EML1: variants seen among roughly 807,000 people sequenced by gnomAD.
EML1 encodes echinoderm microtubule-associated protein-like 1.
A neutral mutation model predicts 110.4 loss-of-function variants in EML1; 27 were observed. The ratio of observed to expected loss-of-function variants is 0.24; its 90% CI spans 0.18 to 0.34. The LOEUF (loss-of-function observed/expected upper bound fraction) is 0.34. Among genes scored for constraint, EML1 ranks in the 10% least tolerant of loss-of-function variants. EML1 has a pLI of 1.00. For missense variants in EML1, 741 were observed against 1,030.9 expected (o/e 0.72, Z 3.85); for synonymous variants, 344 against 385.8 (o/e 0.89, Z 1.27).
chr14:99,873,205 G>A (rs1220986372), intron 3 of EML1, among the ~76,000 whole-genome samples: 2 of 152,190 alleles, frequency 1.3e-5, no homozygotes, highest in Non-Finnish European at 2.9e-5. Context: ...AATAGGCCAA[G>A]CTATGTGAAC....
intron 1 of EML1, among the ~76,000 whole-genome samples, chr14:99,849,517 GTGTGTGTGTGTGTA>G (rs1302629519): frequency 7.5e-6 from 1 of 134,184 alleles, no homozygotes; most frequent in Non-Finnish European, 1.7e-5. Context: ...GTGTGTGTGT[GTGTGTGTGTGTGTA>G]TATATATTTA....
chr14:99,737,990 C>A (rs749591448), intron 1 of EML1: 2 of 978,454 alleles, frequency 2.0e-6, no homozygotes, highest in Non-Finnish European at 2.7e-6. Context: ...CCTTGCCCGA[C>A]GCCTGGGGGG....
chr14:99,877,191 G>C (rs1446728407), intron 3 of EML1, among the ~76,000 whole-genome samples: 1 of 152,126 alleles, frequency 6.6e-6, no homozygotes, highest in Non-Finnish European at 1.5e-5. Context: ...TTCTCACATG[G>C]TGGAAAAGGG....
chr14:99,757,079 C>G (rs560141782), intron 1 of EML1, among the ~76,000 whole-genome samples: 1 of 152,354 alleles, frequency 6.6e-6, no homozygotes, highest in African/African-American at 2.4e-5. Context: ...GCGGCTCACG[C>G]CTGTCATCCA....
chr14:99,897,919 T>C (rs935673751), intron 7 of EML1, among the ~76,000 whole-genome samples: 1 of 152,212 alleles, frequency 6.6e-6, no homozygotes, highest in Non-Finnish European at 1.5e-5. Flanking sequence ...TTCCTATTTA[T>C]GTACTCAACA....
chr14:99,764,350 A>C (rs1320721927), intron 1 of EML1, among the ~76,000 whole-genome samples: 1 of 152,318 alleles, frequency 6.6e-6, no homozygotes, highest in Non-Finnish European at 1.5e-5. Flanking sequence ...GATTTGCCCA[A>C]GGTCACGCAG....
At chr14:99,880,062 A>G (rs2059359345) in intron 4 of EML1, among the ~76,000 whole-genome samples, 1 of 152,236 alleles carries the variant, frequency 6.6e-6, no homozygotes, top group Non-Finnish European at 1.5e-5. Flanking sequence ...ATGCCACAGT[A>G]GGAAATTTTG....
In EML1 at chr14:99,911,904, C is replaced by CT. The variant is rs879496128; in HGVS notation, c.1494+339dup. Among the ~76,000 whole-genome samples, 548 of 131,488 alleles carry CT rather than the reference C, an allele frequency of 4.2e-3. 2 individuals carry two copies. Among genetic ancestry groups the CT allele is most frequent in the African/African-American group, 0.011 (351 of 33,068 alleles). The allele number at this position is 131,488 out of a possible 152,430, so 86.3% of individuals were successfully genotyped here. A position where few individuals can be genotyped will look rare whatever the true frequency, so the allele number is the denominator to read the frequency against. ...TTTCTTTTTCTTTTTTTCTTTCTTTCTTTTTTTTTTTAGAGCAGGGTCTGG... is the reference window on the plus strand; with the variant it reads ...TTTCTTTTTCTTTTTTTCTTTCTTTCTTTTTTTTTTTTAGAGCAGGGTCTGG... On this transcript the variant is annotated intron_variant, in intron 13 of 21. Transcript: ENST00000262233.
chr14:99,845,103 C>T (rs2058687190), intron 1 of EML1, among the ~76,000 whole-genome samples: 1 of 152,118 alleles, frequency 6.6e-6, no homozygotes, highest in Non-Finnish European at 1.5e-5. Flanking sequence ...CCAGGGTGGT[C>T]GTGTCATTTT....
intron 2 of EML1, among the ~76,000 whole-genome samples, chr14:99,851,613 A>C (rs1413404726): frequency 1.3e-5 from 2 of 152,144 alleles, no homozygotes; most frequent in Non-Finnish European, 2.9e-5. Context: ...GGCCGAGAAC[A>C]GTTCTTTATC....
intron 1 of EML1, among the ~76,000 whole-genome samples, chr14:99,821,527 C>G (rs952641151): frequency 2.0e-5 from 3 of 152,160 alleles, no homozygotes; most frequent in African/African-American, 7.2e-5. Context: ...CTCCCAGTAG[C>G]CTTGCAAAAC....
chr14:99,741,635 C>G (rs868319197), intron 1 of EML1, among the ~76,000 whole-genome samples: 1 of 152,210 alleles, frequency 6.6e-6, no homozygotes, highest in East Asian at 1.9e-4. Context: ...CCCACCCCCC[C>G]CCAGACCTCA....
At chr14:99,823,544 C>T (rs1215019100) in intron 1 of EML1, among the ~76,000 whole-genome samples, 1 of 152,030 alleles carries the variant, frequency 6.6e-6, no homozygotes, top group Non-Finnish European at 1.5e-5. Flanking sequence ...AACAAATGAA[C>T]CAATGTCTGG....
At chr14:99,838,322 C>T (rs1451966671) in intron 1 of EML1, among the ~76,000 whole-genome samples, 1 of 152,034 alleles carries the variant, frequency 6.6e-6, no homozygotes, top group Non-Finnish European at 1.5e-5. Context: ...TGCTGAAAGA[C>T]TTTGAAACCA....
chr14:99,768,506 A>G (rs1253460568), upstream of EML1, among the ~76,000 whole-genome samples: 2 of 152,148 alleles, frequency 1.3e-5, no homozygotes, highest in Non-Finnish European at 2.9e-5. Context: ...CGGAACTATC[A>G]GTCACTCCAC....
At chr14:99,848,811 A>G (rs2058744463) in intron 1 of EML1, among the ~76,000 whole-genome samples, 1 of 151,912 alleles carries the variant, frequency 6.6e-6, no homozygotes, top group African/African-American at 2.4e-5. Flanking sequence ...AAAAATTTAA[A>G]AATTAGCCAA....
At chr14:99,802,797 C>T (rs1278401160) in intron 1 of EML1, among the ~76,000 whole-genome samples, 15 of 152,028 alleles carry the variant, frequency 9.9e-5, no homozygotes. Flanking sequence ...CATCAGCATC[C>T]AGATAGTAAT....
At position 99,831,000 on chromosome 14, in the gene EML1, C is replaced by T. The variant is rs937779554; in HGVS notation, c.68-19853C>T. The stretch of plus-strand genomic sequence containing the variant: ...ACTCAGCCACCAGTGTCACCTGGAT[C>T]AAGAATACTGTCCTGTGTCATCTAA... On this transcript the variant is annotated intron_variant, in intron 1 of 21. Coordinates refer to ENST00000262233, the MANE Select transcript of EML1 (RefSeq NM_004434.3). Among the ~76,000 whole-genome samples the T allele has an allele frequency of 1.1e-4, 16 of 152,324 alleles. No homozygotes were observed. In the East Asian group the frequency reaches 2.7e-3, roughly 26 times the overall value.
At chr14:99,837,421 G>A (rs544410426) in intron 1 of EML1, among the ~76,000 whole-genome samples, 9 of 152,330 alleles carry the variant, frequency 5.9e-5, no homozygotes, top group Admixed American at 5.9e-4. Flanking sequence ...AGGTAGGAAG[G>A]TAATCTAATC....
Sources: gnomAD v4.1 joint callset for allele counts (sites outside exome capture counted in the v4.1 genomes callset) on GRCh38, gnomAD v4.1.1 for gene constraint, MANE v1.5 for transcripts, NCBI Gene and HGNC (gene_info 2026-07-23, HGNC 2026-07-21) for gene names.